Variants in DPP4 observed in about 807,000 individuals in gnomAD.
DPP4 encodes ADCP-2.
A neutral mutation model predicts 122.4 loss-of-function variants in DPP4; 93 were observed. The ratio of observed to expected loss-of-function variants is 0.76; its 90% CI spans 0.64 to 0.90. The LOEUF is 0.90. Among genes scored for constraint, DPP4 ranks in the 40% least tolerant of loss-of-function variants. The probability of loss-of-function intolerance (pLI) is 0.00; values close to 1 mark genes in which losing one functional copy is unlikely to be tolerated. For synonymous variants in DPP4, 321 were observed against 302.9 expected, an observed-to-expected ratio of 1.06 and a Z score of -0.62; for missense variants, 914 against 907.3, an observed-to-expected ratio of 1.01 and a Z score of -0.09.
intron 20 of DPP4, among the ~76,000 whole-genome samples, 176 bp downstream of exon 20, chr2:162,011,617 A>G (rs1359654369): frequency 1.3e-5 from 2 of 152,066 alleles, no homozygotes; most frequent in Non-Finnish European, 2.9e-5. Flanking sequence ...ATCAATCTAT[A>G]ATGTAATATA....
intron 5 of DPP4, among the ~76,000 whole-genome samples, chr2:162,044,421 T>C (rs1005296303): frequency 4.0e-5 from 6 of 150,046 alleles, no homozygotes; most frequent in East Asian, 2.0e-4. Context: ...GGTGTGTGAG[T>C]GTTGGTGGGT....
At chr2:162,020,785 A>T in intron 12 of DPP4, 97 bp from the exon 13 acceptor site, 1 of 688,402 alleles carries the variant, frequency 1.5e-6, no homozygotes, top group Non-Finnish European at 2.3e-6. Context: ...CCTACGCTCA[A>T]AAATCCATGC....
At chr2:162,054,597 G>A (rs1342592334) in intron 2 of DPP4, among the ~76,000 whole-genome samples, 1 of 152,078 alleles carries the variant, frequency 6.6e-6, no homozygotes, top group Non-Finnish European at 1.5e-5. Flanking sequence ...ACTCATGAAT[G>A]GTTAGGTGCC....
In DPP4 at chr2:162,009,232, A is replaced by G; in HGVS notation, c.1887+9T>C. Reference sequence around the variant, plus strand: ...CGAATGCATACAGATTCATCAGTCAACTACTCACCCAGCCCCAAATTGCAA... The same window carrying G: ...CGAATGCATACAGATTCATCAGTCAGCTACTCACCCAGCCCCAAATTGCAA... On this transcript the variant is annotated intron_variant, in intron 21 of 25. Coordinates refer to ENST00000360534, the MANE Select transcript of DPP4 (RefSeq NM_001935.4). 1 of 1,613,616 alleles carries G rather than the reference A, an allele frequency of 6.2e-7. No individual in the cohort carries two copies. Among genetic ancestry groups the G allele is most frequent in the Non-Finnish European group, 8.5e-7 (1 of 1,179,634 alleles).
intron 10 of DPP4, among the ~76,000 whole-genome samples, chr2:162,031,864 T>C (rs925821967): frequency 6.6e-6 from 1 of 152,138 alleles, no homozygotes; most frequent in Non-Finnish European, 1.5e-5. Flanking sequence ...CCATCAATGA[T>C]GATGATTAAA....
At chr2:162,009,809 G>A (rs996623951) in intron 20 of DPP4, among the ~76,000 whole-genome samples, 1 of 152,004 alleles carries the variant, frequency 6.6e-6, no homozygotes, top group African/African-American at 2.4e-5. Context: ...GCTGGGTGTT[G>A]ATTAGTTAGC....
At chr2:162,013,859 A>C (rs1682803367) in intron 19 of DPP4, among the ~76,000 whole-genome samples, 1 of 152,214 alleles carries the variant, frequency 6.6e-6, no homozygotes, top group Non-Finnish European at 1.5e-5. Flanking sequence ...AATTCATGTG[A>C]GTTCACATTC....
At position 162,047,423 on chromosome 2, in the gene DPP4, T is replaced by TTA. The variant is rs1559721356; in HGVS notation, c.172_173insTA (p.Tyr58LeufsTer4). ...CTTACCTGAAATCCATCTTAAGGAG[T>TTA]ATAACTTCAGTCTATAAGTATTTTT... On this transcript the variant is annotated frameshift_variant, in exon 3 of 26. Transcript: ENST00000360534. LOFTEE classifies it high-confidence loss of function. The TTA allele has an allele frequency of 6.4e-7, 1 of 1,572,110 alleles. No individual in the cohort carries two copies. Among genetic ancestry groups the TTA allele is most frequent in the Non-Finnish European group, 8.7e-7 (1 of 1,151,362 alleles).
chr2:162,036,806 A>T (rs1393963087), intron 8 of DPP4, among the ~76,000 whole-genome samples: 3 of 152,322 alleles, frequency 2.0e-5, no homozygotes, highest in African/African-American at 4.8e-5. Context: ...GGAGCAATCC[A>T]GTGAATTGCC....
intron 12 of DPP4, among the ~76,000 whole-genome samples, chr2:162,020,890 G>A (rs16846261): frequency 0.039 from 5,970 of 152,190 alleles, 338 homozygotes; most frequent in East Asian, 0.26. Context: ...GGTAATTTTC[G>A]TGAGCAGTAA....
intron 12 of DPP4, among the ~76,000 whole-genome samples, chr2:162,021,155 T>TA (rs1305200795): frequency 6.6e-6 from 1 of 152,226 alleles, no homozygotes; most frequent in Non-Finnish European, 1.5e-5. Flanking sequence ...TTCCTGTTTT[T>TA]ACACATATTT....
At chr2:162,040,384 G>A (rs188313639) in intron 5 of DPP4, among the ~76,000 whole-genome samples, 60 of 150,430 alleles carry the variant, frequency 4.0e-4, no homozygotes. Flanking sequence ...ATGATAAGAA[G>A]AATGAGCTAT....
chr2:162,033,622 A>C lies in DPP4; in HGVS notation c.806T>G (p.Phe269Cys). ...GCTGAGAGAGTCTGTATTTACAACA[A>C]AGAACTTTACAGTTGGATTCACAGC... ...AGAVNPTVKF[F>C]VVNTDSLSSV... The change falls in exon 10 of 26, where the codon TTT becomes TGT. Residue 269 changes from phenylalanine to cysteine, a missense_variant. Physicochemically the swap from Phe to Cys is radical, Grantham distance 205. Transcript: ENST00000360534. 1 of 1,613,188 alleles carries C rather than the reference A, an allele frequency of 6.2e-7. No homozygotes were observed. The highest frequency in any genetic ancestry group is 1.7e-4 in the Middle Eastern group (1 of 6,054).
At position 162,047,421 on chromosome 2, in the gene DPP4, A is replaced by G; in HGVS notation, c.175T>C (p.Ser59Pro). 6.4e-7 allele frequency: 1 copy of G among 1,568,326 alleles called. No individual in the cohort carries two copies. Among genetic ancestry groups the G allele is most frequent in the Non-Finnish European group, 8.7e-7 (1 of 1,148,864 alleles). The change falls in exon 3 of 26, where the codon TCC becomes CCC. Residue 59 changes from serine to proline, a missense_variant. Coordinates refer to ENST00000360534, the MANE Select transcript of DPP4 (RefSeq NM_001935.4). Reference protein sequence around the residue: ...LKNTYRLKLYSLRWISDHEYL... With the variant: ...LKNTYRLKLYPLRWISDHEYL... Reference sequence around the variant, plus strand: ...TTCTTACCTGAAATCCATCTTAAGGAGTATAACTTCAGTCTATAAGTATTT... The same window carrying G: ...TTCTTACCTGAAATCCATCTTAAGGGGTATAACTTCAGTCTATAAGTATTT...
intron 12 of DPP4, 74 bp from the exon 13 acceptor site, chr2:162,020,762 G>T (rs1683096642): frequency 3.7e-6 from 4 of 1,075,122 alleles, no homozygotes; most frequent in Non-Finnish European, 5.4e-6. Context: ...GTTTTAGAAA[G>T]TCCTGTCCAA....
At chr2:162,050,676 C>T (rs1305564311) in intron 2 of DPP4, among the ~76,000 whole-genome samples, 1 of 152,186 alleles carries the variant, frequency 6.6e-6, no homozygotes, top group Non-Finnish European at 1.5e-5. Flanking sequence ...CACAAATGTT[C>T]CTTGTTTTTA....
intron 10 of DPP4, among the ~76,000 whole-genome samples, chr2:162,025,897 A>T (rs1683313348): frequency 6.6e-6 from 1 of 151,868 alleles, no homozygotes; most frequent in Non-Finnish European, 1.5e-5. Context: ...CACACAATCC[A>T]CTTGCCCTCT....
Position 162,024,911 on chromosome 2 carries a change from C to T in DPP4, c.916G>A (p.Ala306Thr), listed in dbSNP as rs1683265560. The T allele has an allele frequency of 3.1e-6, 5 of 1,613,580 alleles. No individual in the cohort carries two copies. In the East Asian group the frequency reaches 1.1e-4, roughly 36 times the overall value. Residue 306 changes from alanine to threonine, a missense_variant, in exon 11 of 26, where the codon GCA becomes ACA. Ala to Thr is a moderately conservative substitution (Grantham distance 58, BLOSUM62 0). Transcript: ENST00000360534. ...GDHYLCDVTW[A>T]TQERISLQWL... ...TGCAAAGAAATTCTTTCTTGTGTTGCCCATGTCACATCACACAAGTAGTGA... is the reference window on the plus strand; with the variant it reads ...TGCAAAGAAATTCTTTCTTGTGTTGTCCATGTCACATCACACAAGTAGTGA...
intron 10 of DPP4, among the ~76,000 whole-genome samples, chr2:162,026,380 A>G (rs1253182206): frequency 6.6e-6 from 1 of 152,106 alleles, no homozygotes; most frequent in Non-Finnish European, 1.5e-5. Context: ...ATTTCTGTAA[A>G]TTGGGGTCCC....
Sources: allele counts gnomAD v4.1 joint callset (sites outside exome capture counted in the v4.1 genomes callset), GRCh38; gene constraint gnomAD v4.1.1; transcripts MANE v1.5; gene names NCBI Gene and HGNC (gene_info 2026-07-23, HGNC 2026-07-21).